AGR3: variants seen among roughly 807,000 people sequenced by gnomAD.
AGR3 encodes anterior gradient 3, protein disulphide isomerase family member, also known as anterior gradient protein 3.
In AGR3, 37 loss-of-function variants were observed where a neutral mutation model predicts 24.5. The ratio of observed to expected loss-of-function variants is 1.51; its 90% CI spans 1.16 to 1.99. The LOEUF (loss-of-function observed/expected upper bound fraction) is 1.99. Ranked by LOEUF, AGR3 falls within the 30% of genes most tolerant of loss-of-function variation. The probability of loss-of-function intolerance (pLI) is 0.00; values close to 1 mark genes in which losing one functional copy is unlikely to be tolerated. For synonymous variants in AGR3, 75 were observed against 61.6 expected, an observed-to-expected ratio of 1.22 and a Z score of -1.02; for missense variants, 228 against 191.1, an observed-to-expected ratio of 1.19 and a Z score of -1.14.
rs769781679 is a variant in AGR3 at position 16,878,630 on chromosome 7, A to G, written c.-12T>C. 5.6e-6 allele frequency: 9 copies of G among 1,603,544 alleles called. No individual in the cohort carries two copies. The highest frequency in any genetic ancestry group is 7.7e-6 in the Non-Finnish European group (9 of 1,170,900). On this transcript the variant is annotated 5_prime_UTR_variant, in exon 2 of 8. Coordinates refer to ENST00000310398, the MANE Select transcript of AGR3 (RefSeq NM_176813.5). Reference sequence around the variant, plus strand: ...GAGTGTAGCATCATGTCTTCTAGAGACTCTCTCAGAAGAAGCTAGATGACA... The same window carrying G: ...GAGTGTAGCATCATGTCTTCTAGAGGCTCTCTCAGAAGAAGCTAGATGACA...
intron 6 of AGR3, 96 bp from the exon 7 acceptor site, chr7:16,860,679 A>G (rs1171608387): frequency 7.1e-6 from 6 of 840,502 alleles, no homozygotes; most frequent in Non-Finnish European, 1.1e-5. Flanking sequence ...TGTGGGGGTT[A>G]TGTGTACAAG....
At chr7:16,866,152 G>T (rs1010777125) in intron 3 of AGR3, 2 of 538,678 alleles carry the variant, frequency 3.7e-6, no homozygotes, top group East Asian at 4.5e-5. Flanking sequence ...AATGTAGAAG[G>T]CTCATTTTTT....
intron 3 of AGR3, chr7:16,865,432 T>C (rs748813258): frequency 4.6e-6 from 4 of 869,526 alleles, no homozygotes; most frequent in Non-Finnish European, 7.8e-6. Flanking sequence ...ATCGTAATTG[T>C]TGGTGCCACA....
At chr7:16,878,765 C>T in intron 1 of AGR3, 120 bp from the exon 2 acceptor site, 1 of 645,772 alleles carries the variant, frequency 1.5e-6, no homozygotes, top group Non-Finnish European at 2.7e-6. Flanking sequence ...TTTGGTTTGA[C>T]ATGGTATAAC....
chr7:16,857,045 A>T (rs1205188147), downstream of AGR3, among the ~76,000 whole-genome samples: 2 of 150,308 alleles, frequency 1.3e-5, no homozygotes, highest in Non-Finnish European at 2.9e-5. Context: ...GTGGCTATTC[A>T]TAGACTTGAT....
chr7:16,863,833 TG>T (rs1224729613), intron 3 of AGR3, among the ~76,000 whole-genome samples: 1 of 152,150 alleles, frequency 6.6e-6, no homozygotes, highest in Non-Finnish European at 1.5e-5. Context: ...CATTTACATT[TG>T]TACACTTATT....
At chr7:16,868,416 A>T (rs1413033903) in intron 3 of AGR3, among the ~76,000 whole-genome samples, 1 of 152,164 alleles carries the variant, frequency 6.6e-6, no homozygotes, top group Non-Finnish European at 1.5e-5. Context: ...TGGCCTCCCA[A>T]AGTGCTGGGA....
downstream of AGR3, among the ~76,000 whole-genome samples, chr7:16,857,819 A>C (rs1781574525): frequency 6.6e-6 from 1 of 152,146 alleles, no homozygotes; most frequent in Non-Finnish European, 1.5e-5. Flanking sequence ...ACCCAAAGGA[A>C]ACCTTTTTTT....
chr7:16,864,099 T>G (rs1001715993), intron 3 of AGR3, among the ~76,000 whole-genome samples: 5 of 152,200 alleles, frequency 3.3e-5, no homozygotes, highest in Non-Finnish European at 7.3e-5. Context: ...TCTATTTACT[T>G]CAAGGTGACA....
At position 16,859,548 on chromosome 7, in the gene AGR3, C is replaced by T. The variant is rs758397002; in HGVS notation, c.*34G>A. ...CAGAGGTTTTCTTCATGAAATTTGA[C>T]TTCTTTGAAGTGAAGGCTTTTTTCC... On this transcript the variant is annotated 3_prime_UTR_variant, in exon 8 of 8. Transcript: ENST00000310398. 1.4e-6 allele frequency: 2 copies of T among 1,461,832 alleles called. No individual in the cohort carries two copies. Among genetic ancestry groups the T allele is most frequent in the East Asian group, 2.3e-5 (1 of 43,016 alleles). The allele number at this position is 1,461,832 out of a possible 1,614,324, so 90.6% of individuals were successfully genotyped here.
In AGR3 at chr7:16,880,953, C is replaced by G. The variant is rs1053010255; in HGVS notation, c.-28+991G>C. On this transcript the variant is annotated intron_variant, in intron 1 of 7. Coordinates refer to ENST00000310398, the MANE Select transcript of AGR3 (RefSeq NM_176813.5). ...GCCTGTGGCTGAGCTACAGAAGGCT[C>G]AAAACCCCTGGAAATTGTGTGCAAA... is the stretch of plus-strand genomic sequence containing the variant. Among the ~76,000 whole-genome samples the G allele has an allele frequency of 6.6e-5, 10 of 152,178 alleles. No individual in the cohort carries two copies. In the South Asian group the frequency reaches 8.3e-4, roughly 13 times the overall value.
chr7:16,878,903 G>C (rs1782048717), intron 1 of AGR3, among the ~76,000 whole-genome samples: 1 of 152,192 alleles, frequency 6.6e-6, no homozygotes, highest in African/African-American at 2.4e-5. Flanking sequence ...AAAAGAGCTG[G>C]ATCAGGGCAC....
intron 3 of AGR3, among the ~76,000 whole-genome samples, chr7:16,871,003 C>G (rs567485699): frequency 1.3e-5 from 2 of 152,238 alleles, no homozygotes; most frequent in African/African-American, 2.4e-5. Flanking sequence ...TTCCCAAAGA[C>G]TTAGTAGGTC....
chr7:16,861,466 A>T lies in AGR3; in HGVS notation c.304-19T>A. On this transcript the variant is annotated intron_variant, in intron 5 of 7. Coordinates refer to ENST00000310398, the MANE Select transcript of AGR3 (RefSeq NM_176813.5). ...TTTCATGCTAGCAGGAGAAGAAAAA[A>T]AAAGAATGTTATTGGATTCATTTGT... The T allele has an allele frequency of 6.3e-7, 1 of 1,592,136 alleles. No individual in the cohort carries two copies. The highest frequency in any genetic ancestry group is 8.6e-7 in the Non-Finnish European group (1 of 1,166,466).
At chr7:16,867,344 T>C (rs575417380) in intron 3 of AGR3, among the ~76,000 whole-genome samples, 2 of 152,286 alleles carry the variant, frequency 1.3e-5, no homozygotes, top group African/African-American at 2.4e-5. Context: ...TATCTATCTA[T>C]CTATGGAGTT....
intron 3 of AGR3, chr7:16,864,505 G>T (rs1781712294): frequency 2.4e-6 from 3 of 1,264,154 alleles, no homozygotes; most frequent in South Asian, 1.2e-5. Context: ...TTCCCTGTCA[G>T]TCAGGGCTTC....
At position 16,859,565 on chromosome 7, in the gene AGR3, C is replaced by A. The variant is rs180839864; in HGVS notation, c.*17G>T. The stretch of plus-strand genomic sequence containing the variant: ...AAATTTGACTTCTTTGAAGTGAAGG[C>A]TTTTTTCCATCATCTCTTATAGCTC... On this transcript the variant is annotated 3_prime_UTR_variant, in exon 8 of 8. Coordinates refer to ENST00000310398, the MANE Select transcript of AGR3 (RefSeq NM_176813.5). 22 of 1,535,062 alleles carry A rather than the reference C, an allele frequency of 1.4e-5. No homozygotes were observed. In the African/African-American group the frequency reaches 2.3e-4, roughly 16 times the overall value.
chr7:16,863,618 T>C (rs1781690833), intron 3 of AGR3, among the ~76,000 whole-genome samples: 1 of 152,132 alleles, frequency 6.6e-6, no homozygotes, highest in Admixed American at 6.5e-5. Context: ...CAGATGCATG[T>C]TCACATTTAT....
chr7:16,870,494 A>G (rs1781844368), intron 3 of AGR3, among the ~76,000 whole-genome samples: 1 of 152,094 alleles, frequency 6.6e-6, no homozygotes, highest in Non-Finnish European at 1.5e-5. Context: ...TTGTTTTCCC[A>G]GTAAGCATAA....
Sources: gnomAD v4.1 joint callset for allele counts (sites outside exome capture counted in the v4.1 genomes callset) on GRCh38, gnomAD v4.1.1 for gene constraint, MANE v1.5 for transcripts, NCBI Gene and HGNC (gene_info 2026-07-23, HGNC 2026-07-21) for gene names.